Variants in CCDC6 observed in about 807,000 individuals in gnomAD.
CCDC6 encodes the protein coiled-coil domain-containing protein 6.
CCDC6 carries 20 observed loss-of-function variants against 56.6 expected under a neutral mutation model. The ratio of observed to expected loss-of-function variants is 0.35; its 90% CI spans 0.25 to 0.51. The LOEUF is 0.51. Ranked by LOEUF, CCDC6 falls within the 20% of genes least tolerant of loss-of-function variation. The pLI is 0.95. For synonymous variants in CCDC6, 241 were observed against 234.4 expected (o/e 1.03, Z -0.26); for missense variants, 367 against 601.1 (o/e 0.61, Z 4.07).
intron 3 of CCDC6, among the ~76,000 whole-genome samples, chr10:59,819,097 T>C (rs1466777114): frequency 6.6e-6 from 1 of 152,226 alleles, no homozygotes; most frequent in African/African-American, 2.4e-5. Context: ...ATCAGAAGTA[T>C]GTTGGGTCTT....
At position 59,804,410 on chromosome 10, in the gene CCDC6, A is replaced by T. The variant is rs760975343; in HGVS notation, c.1105+10T>A. 5 of 1,550,602 alleles carry T rather than the reference A, an allele frequency of 3.2e-6. No homozygotes were observed. ...ATCAGTCACTGAAATAGCCAAAGAC[A>T]TATGCTCACCAGGTGATATAGGCCT... On this transcript the variant is annotated intron_variant, in intron 7 of 8. Transcript: ENST00000263102.
At chr10:59,796,300 C>A in intron 7 of CCDC6, among the ~76,000 whole-genome samples, 1 of 127,314 alleles carries the variant, frequency 7.9e-6, no homozygotes, top group Non-Finnish European at 1.6e-5. Flanking sequence ...TGTTCATGTC[C>A]TTCGCCCACT....
chr10:59,830,003 A>G (rs2070822340), intron 3 of CCDC6, among the ~76,000 whole-genome samples: 1 of 152,220 alleles, frequency 6.6e-6, no homozygotes, highest in African/African-American at 2.4e-5. Flanking sequence ...GTCAGAGCCC[A>G]GGCCCTGAAC....
chr10:59,864,264 T>G (rs2071158604), intron 1 of CCDC6, among the ~76,000 whole-genome samples: 1 of 152,216 alleles, frequency 6.6e-6, no homozygotes, highest in Admixed American at 6.5e-5. Flanking sequence ...CTCTCAGAAT[T>G]CTTTATCACC....
At position 59,906,432 on chromosome 10, in the gene CCDC6, G is replaced by A; in HGVS notation, c.-8C>T. ...GCTGGCGCTGTCCGCCATGGCCGCG[G>A]CGGGCTGGGGAAAGGAGGAGGAGCA... On this transcript the variant is annotated 5_prime_UTR_variant, in exon 1 of 9. Transcript: ENST00000263102. The A allele has an allele frequency of 6.6e-7, 1 of 1,507,804 alleles. No homozygotes were observed. Among genetic ancestry groups the A allele is most frequent in the Non-Finnish European group, 8.7e-7 (1 of 1,144,394 alleles). The allele number at this position is 1,507,804 out of a possible 1,614,324, so 93.4% of individuals were successfully genotyped here. A position where few individuals can be genotyped will look rare whatever the true frequency, so the allele number is the denominator to read the frequency against.
At chr10:59,836,827 G>T (rs1025557872) in intron 2 of CCDC6, among the ~76,000 whole-genome samples, 3 of 152,032 alleles carry the variant, frequency 2.0e-5, no homozygotes, top group Non-Finnish European at 4.4e-5. Flanking sequence ...CGGAATTAGG[G>T]TTATATAAAT....
chr10:59,866,894 A>T (rs2071182482), intron 1 of CCDC6, among the ~76,000 whole-genome samples: 1 of 152,188 alleles, frequency 6.6e-6, no homozygotes, highest in Admixed American at 6.5e-5. Context: ...TCATCTTCAG[A>T]ATGACAAGCC....
At chr10:59,815,863 C>T (rs1483447989) in intron 3 of CCDC6, among the ~76,000 whole-genome samples, 2 of 152,096 alleles carry the variant, frequency 1.3e-5, no homozygotes, top group Non-Finnish European at 2.9e-5. Flanking sequence ...CCAAAGATCC[C>T]GTGTGTATAC....
chr10:59,876,050 T>TGC (rs1311798280), intron 1 of CCDC6, among the ~76,000 whole-genome samples: 1 of 130,092 alleles, frequency 7.7e-6, no homozygotes, highest in African/African-American at 3.1e-5. Context: ...CCTACACACA[T>TGC]ACACGAGTGC....
chr10:59,851,629 G>C (rs972876465), intron 2 of CCDC6, among the ~76,000 whole-genome samples: 3 of 152,024 alleles, frequency 2.0e-5, no homozygotes, highest in Admixed American at 6.6e-5. Context: ...AAAGAACTTA[G>C]GAAGATTTTT....
intron 8 of CCDC6, among the ~76,000 whole-genome samples, chr10:59,793,488 G>A (rs1431427973): frequency 2.0e-5 from 3 of 152,138 alleles, no homozygotes; most frequent in Non-Finnish European, 4.4e-5. Context: ...CAACAGAAAT[G>A]TTTCTATGTT....
chr10:59,842,842 C>T (rs1170061665), intron 2 of CCDC6, among the ~76,000 whole-genome samples: 3 of 151,408 alleles, frequency 2.0e-5, no homozygotes, highest in South Asian at 2.1e-4. Context: ...CAAGCTCCGC[C>T]TCCCAGGTTC....
rs2070483382 is a variant in CCDC6, at chr10:59,793,095, C to T, written c.1247G>A (p.Arg416Lys). The T allele has an allele frequency of 1.9e-6, 3 of 1,613,996 alleles. No homozygotes were observed. Among genetic ancestry groups the T allele is most frequent in the Non-Finnish European group, 2.5e-6 (3 of 1,180,020 alleles). ...TTTGAATTTGTCAGGACTGTTGCTTCTCCGTGGTGAAGGCCTCTGCAGAGG... is the reference window on the plus strand; with the variant it reads ...TTTGAATTTGTCAGGACTGTTGCTTTTCCGTGGTGAAGGCCTCTGCAGAGG... ...SHGITRPSPR[R>K]SNSPDKFKRP... The change falls in exon 9 of 9, where the codon AGA becomes AAA. Residue 416 changes from arginine to lysine, a missense_variant. Coordinates refer to ENST00000263102, the MANE Select transcript of CCDC6 (RefSeq NM_005436.5).
In CCDC6 at chr10:59,906,334, A is replaced by T; in HGVS notation, c.91T>A (p.Ser31Thr). The T allele has an allele frequency of 6.3e-7, 1 of 1,599,234 alleles. No individual in the cohort carries two copies. Among genetic ancestry groups the T allele is most frequent in the Non-Finnish European group, 8.5e-7 (1 of 1,178,652 alleles). ...CCCCCGCCGCCACCGCCGCCGCCCGAGGTCGACGAGCAGGACGACTGCATG... is the reference window on the plus strand; with the variant it reads ...CCCCCGCCGCCACCGCCGCCGCCCGTGGTCGACGAGCAGGACGACTGCATG... ...AAMQSSCSST[S>T]GGGGGGGGGG... The change falls in exon 1 of 9, where the codon TCG becomes ACG. Residue 31 changes from serine to threonine, a missense_variant. Transcript: ENST00000263102.
chr10:59,852,099 G>A (rs540023298), intron 2 of CCDC6, among the ~76,000 whole-genome samples: 1 of 152,268 alleles, frequency 6.6e-6, no homozygotes, highest in East Asian at 1.9e-4. Flanking sequence ...TTGATTGTGG[G>A]TAGTTTTAAC....
intron 1 of CCDC6, among the ~76,000 whole-genome samples, chr10:59,885,196 G>A (rs374020778): frequency 2.0e-5 from 3 of 152,242 alleles, no homozygotes; most frequent in African/African-American, 7.2e-5. Flanking sequence ...GGATACATTT[G>A]TTATATCTAC....
chr10:59,866,228 G>A (rs1213425621), intron 1 of CCDC6, among the ~76,000 whole-genome samples: 2 of 152,194 alleles, frequency 1.3e-5, no homozygotes, highest in Non-Finnish European at 2.9e-5. Flanking sequence ...TTAAAGAAAA[G>A]CAACATCATT....
chr10:59,807,121 C>T, intron 5 of CCDC6, 43 bp from the exon 6 acceptor site: 1 of 1,580,606 alleles, frequency 6.3e-7, no homozygotes, highest in African/African-American at 1.4e-5. Flanking sequence ...TTCATGCAAT[C>T]ATATCCAAAT....
chr10:59,890,852 G>C (rs2071417064), intron 1 of CCDC6, among the ~76,000 whole-genome samples: 2 of 151,978 alleles, frequency 1.3e-5, no homozygotes, highest in African/African-American at 4.8e-5. Flanking sequence ...ATTTACATTA[G>C]GTATATCTCC....
Sources: allele counts gnomAD v4.1 joint callset (sites outside exome capture counted in the v4.1 genomes callset), GRCh38; gene constraint gnomAD v4.1.1; transcripts MANE v1.5; gene names NCBI Gene and HGNC (gene_info 2026-07-23, HGNC 2026-07-21).